The following MPZL1 variants were observed in gnomAD, a reference collection of about 807,000 sequenced individuals.
MPZL1 encodes the protein myelin protein zero like 1, also known as myelin protein zero-like protein 1.
MPZL1 carries 16 observed loss-of-function variants against 29.3 expected under a neutral mutation model. The observed-to-expected ratio is 0.55, with a 90% CI of 0.37 to 0.83. The LOEUF is 0.83. Ranked by LOEUF, MPZL1 falls within the 40% of genes least tolerant of loss-of-function variation. MPZL1 has a pLI of 0.00. For synonymous variants in MPZL1, 143 were observed against 132.0 expected (o/e 1.08, Z -0.57); for missense variants, 279 against 332.9 (o/e 0.84, Z 1.26).
chr1:167,752,267 C>T (rs957566961), intron 1 of MPZL1, among the ~76,000 whole-genome samples: 8 of 152,134 alleles, frequency 5.3e-5, no homozygotes, highest in African/African-American at 1.9e-4. Flanking sequence ...CAAATTTTGA[C>T]TTTAATTAGC....
chr1:167,779,522 T>G (rs568734694), intron 5 of MPZL1, among the ~76,000 whole-genome samples: 2 of 151,858 alleles, frequency 1.3e-5, no homozygotes, highest in African/African-American at 2.4e-5. Flanking sequence ...GAAGCGGACA[T>G]TGCAGTGAGC....
intron 1 of MPZL1, among the ~76,000 whole-genome samples, chr1:167,756,080 A>G (rs776449766): frequency 1.3e-5 from 2 of 152,218 alleles, no homozygotes; most frequent in South Asian, 2.1e-4. Flanking sequence ...ATATGTGGCC[A>G]GCTGGACATC....
At chr1:167,756,298 G>T (rs997048806) in intron 1 of MPZL1, among the ~76,000 whole-genome samples, 1 of 152,058 alleles carries the variant, frequency 6.6e-6, no homozygotes, top group African/African-American at 2.4e-5. Flanking sequence ...ACAGGTTTGA[G>T]CCACTATGCC....
rs539199611 is a variant in MPZL1 at position 167,768,834 on chromosome 1, C to T, written c.258+3085C>T. ...GAAACAGCATCATGTAGCTCATCCC[C>T]GCTGGTTCAGAAATGCAAGGCAGGG... On this transcript the variant is annotated intron_variant, in intron 2 of 5. Transcript: ENST00000359523. 3.3e-5 allele frequency among the ~76,000 whole-genome samples: 5 copies of T among 152,260 alleles called. No individual in the cohort carries two copies. The South Asian group carries it at 6.2e-4, about 19-fold the overall frequency.
At chr1:167,787,781 C>T (rs371826665) in intron 5 of MPZL1, 39 bp from the exon 6 acceptor site, 5 of 1,488,180 alleles carry the variant, frequency 3.4e-6, no homozygotes, top group African/African-American at 1.4e-5. Context: ...GAACCGCCAG[C>T]GTTTTCAGTC....
At chr1:167,751,589 T>C (rs1660757912) in intron 1 of MPZL1, among the ~76,000 whole-genome samples, 1 of 150,754 alleles carries the variant, frequency 6.6e-6, no homozygotes, top group Admixed American at 6.6e-5. Context: ...GAGAATCGCT[T>C]GAACCTAGGA....
At chr1:167,731,349 A>G (rs1390514322) in intron 1 of MPZL1, among the ~76,000 whole-genome samples, 1 of 151,790 alleles carries the variant, frequency 6.6e-6, no homozygotes, top group African/African-American at 2.4e-5. Context: ...AGGCACGAGA[A>G]TCGCTTGAAC....
chr1:167,731,401 C>T (rs1275865465), intron 1 of MPZL1, among the ~76,000 whole-genome samples: 4 of 150,970 alleles, frequency 2.6e-5, no homozygotes, highest in Non-Finnish European at 5.9e-5. Flanking sequence ...TGTGCTACTG[C>T]ACTTTTGCCT....
chr1:167,776,418 A>G (rs1445465943), intron 5 of MPZL1, among the ~76,000 whole-genome samples: 1 of 152,204 alleles, frequency 6.6e-6, no homozygotes, highest in Non-Finnish European at 1.5e-5. Context: ...TTTACTAACC[A>G]TGTAGCTTCC....
chr1:167,769,174 A>G (rs944271241), intron 2 of MPZL1, among the ~76,000 whole-genome samples: 1 of 152,160 alleles, frequency 6.6e-6, no homozygotes, highest in African/African-American at 2.4e-5. Context: ...TGTGAGGGCT[A>G]GAGAGTTGTT....
At chr1:167,735,610 G>T (rs1317672645) in intron 1 of MPZL1, among the ~76,000 whole-genome samples, 1 of 152,146 alleles carries the variant, frequency 6.6e-6, no homozygotes, top group African/African-American at 2.4e-5. Context: ...TGGAGGCTTG[G>T]TAAGTCCAAA....
At chr1:167,767,140 T>C (rs1214324061) in intron 2 of MPZL1, among the ~76,000 whole-genome samples, 2 of 152,228 alleles carry the variant, frequency 1.3e-5, no homozygotes, top group Non-Finnish European at 2.9e-5. Context: ...TCTAGAGGTC[T>C]TTATAAGAGA....
chr1:167,766,539 G>A (rs920887217), intron 2 of MPZL1, among the ~76,000 whole-genome samples: 5 of 152,188 alleles, frequency 3.3e-5, no homozygotes, highest in Non-Finnish European at 5.9e-5. Flanking sequence ...CCCAGCATGT[G>A]GAATGCCCTT....
intron 1 of MPZL1, among the ~76,000 whole-genome samples, chr1:167,738,953 G>A (rs935827002): frequency 1.3e-5 from 2 of 151,904 alleles, no homozygotes; most frequent in Admixed American, 6.6e-5. Context: ...TGGTTTTTCG[G>A]AGTTTTTTTG....
intron 1 of MPZL1, among the ~76,000 whole-genome samples, chr1:167,739,282 C>CATATATACATAT (rs1387652331): frequency 3.3e-4 from 30 of 90,412 alleles, no homozygotes; most frequent in East Asian, 2.8e-3. Context: ...TACATATATA[C>CATATATACATAT]ATATATATAT....
chr1:167,784,214 TAAAA>T (rs1661546818), intron 5 of MPZL1, among the ~76,000 whole-genome samples: 1 of 152,222 alleles, frequency 6.6e-6, no homozygotes, highest in Non-Finnish European at 1.5e-5. Context: ...TAGTTGTAAC[TAAAA>T]TAATAGGCCT....
chr1:167,759,198 G>A (rs1340205996), intron 1 of MPZL1, among the ~76,000 whole-genome samples: 1 of 152,174 alleles, frequency 6.6e-6, no homozygotes, highest in Non-Finnish European at 1.5e-5. Flanking sequence ...TTCAGATTGA[G>A]ATTCTAGTCT....
rs1395793124 is a variant in MPZL1 at position 167,744,309 on chromosome 1, C to G, written c.92-21274C>G. ...TTTTTCAGGAAACCTTTCTAGACAT[C>G]TTGTTAAAAACTTACAAAGGGGACA... On this transcript the variant is annotated intron_variant, in intron 1 of 5. Transcript: ENST00000359523. Among the ~76,000 whole-genome samples, 3 of 152,004 alleles carry G rather than the reference C, an allele frequency of 2.0e-5. No individual in the cohort carries two copies. The South Asian group carries it at 6.2e-4, about 31-fold the overall frequency.
At chr1:167,753,924 C>T (rs1268599319) in intron 1 of MPZL1, among the ~76,000 whole-genome samples, 2 of 152,018 alleles carry the variant, frequency 1.3e-5, no homozygotes, top group East Asian at 1.9e-4. Context: ...GCCACTGCGC[C>T]TGGCCTTTGA....
Sources: allele counts gnomAD v4.1 joint callset (sites outside exome capture counted in the v4.1 genomes callset), GRCh38; gene constraint gnomAD v4.1.1; transcripts MANE v1.5; gene names NCBI Gene and HGNC (gene_info 2026-07-23, HGNC 2026-07-21).